The following PRKCH variants were observed in gnomAD, a reference collection of about 807,000 sequenced individuals.
The protein encoded by PRKCH is protein kinase C eta type.
PRKCH carries 28 observed loss-of-function variants against 82.5 expected under a neutral mutation model. The observed-to-expected ratio is 0.34, with a 90% CI of 0.25 to 0.47. PRKCH has a LOEUF of 0.47. PRKCH is among the 20% of genes least tolerant of loss of function. The pLI is 1.00. For missense variants in PRKCH, 705 were observed against 881.8 expected, an observed-to-expected ratio of 0.80 and a Z score of 2.54; for synonymous variants, 322 against 327.4, an observed-to-expected ratio of 0.98 and a Z score of 0.18.
chr14:61,242,397 ATGTT>A (rs1057373309), intron 1 of PRKCH, among the ~76,000 whole-genome samples: 2 of 152,104 alleles, frequency 1.3e-5, no homozygotes, highest in African/African-American at 2.4e-5. Flanking sequence ...TACACTGCAT[ATGTT>A]TGTTTGTTTG....
chr14:61,322,015 T>G lies in PRKCH; in HGVS notation c.-87T>G. The stretch of plus-strand genomic sequence containing the variant: ...CCAGGGCTGCCTCGACTCCTGCACC[T>G]GTCCCGAGGGCTGGCCTGAGACGGG... On this transcript the variant is annotated 5_prime_UTR_variant, in exon 1 of 14. Transcript: ENST00000332981. 1 of 1,401,008 alleles carries G rather than the reference T, an allele frequency of 7.1e-7. No individual in the cohort carries two copies. The allele number at this position is 1,401,008 out of a possible 1,614,324, so 86.8% of individuals were successfully genotyped here.
chr14:61,453,038 C>T, intron 6 of PRKCH, 188 bp from the exon 7 acceptor site: 1 of 657,382 alleles, frequency 1.5e-6, no homozygotes, highest in Non-Finnish European at 2.5e-6. Context: ...TCTGCTTCTG[C>T]AGAAAACAGA....
rs2045627563 is a variant in PRKCH, at chr14:61,321,780, C to G, written c.-322C>G. On this transcript the variant is annotated 5_prime_UTR_variant, in exon 1 of 14. Coordinates refer to ENST00000332981, the MANE Select transcript of PRKCH (RefSeq NM_006255.5). This position sits in a 1 kb window ranked among gnomAD's most constrained non-coding sequence, Gnocchi z 4.1. ...AGGTCCGGCTCTCCAGGGAGAGGAGCTGCCCGGCCCTGGAGAAGGGGCGAG... is the reference window on the plus strand; with the variant it reads ...AGGTCCGGCTCTCCAGGGAGAGGAGGTGCCCGGCCCTGGAGAAGGGGCGAG... The G allele has an allele frequency of 4.3e-6, 1 of 231,362 alleles. No individual in the cohort carries two copies. Among genetic ancestry groups the G allele is most frequent in the Non-Finnish European group, 8.5e-6 (1 of 117,250 alleles). 14.3% of individuals were successfully genotyped at this position (231,362 alleles called of 1,614,324 possible). A position where few individuals can be genotyped will look rare whatever the true frequency, so the allele number is the denominator to read the frequency against.
intron 2 of PRKCH, among the ~76,000 whole-genome samples, chr14:61,440,821 C>T (rs1883925616): frequency 6.6e-6 from 1 of 152,024 alleles, no homozygotes; most frequent in Admixed American, 6.6e-5. Flanking sequence ...TTGCAATGAG[C>T]TGAGAACACG....
At chr14:61,362,343 A>T (rs1402388510) in intron 1 of PRKCH, among the ~76,000 whole-genome samples, 1 of 71,372 alleles carries the variant, frequency 1.4e-5, no homozygotes, top group African/African-American at 1.1e-4. Context: ...CTTGTCTTAA[A>T]AAAAAAAAAA....
chr14:61,331,687 G>T (rs537302604), intron 1 of PRKCH, among the ~76,000 whole-genome samples: 1 of 152,332 alleles, frequency 6.6e-6, no homozygotes, highest in Admixed American at 6.5e-5. Context: ...CCGTTATATT[G>T]TGAGGGGGCT....
rs528287470 is a variant in PRKCH, at chr14:61,233,519, A to G, written c.-19+45851A>G. 1.2e-4 allele frequency among the ~76,000 whole-genome samples: 18 copies of G among 152,334 alleles called. 1 individual carries two copies. The highest frequency in any genetic ancestry group is 1.1e-3 in the Admixed American group (17 of 15,306). On this transcript the variant is annotated intron_variant, in intron 1 of 3. Transcript: ENST00000555185. ...TCATCTCTTTCTCTGAGCCTCTCTC[A>G]AGGAATTAATACAATATTGAAGGAT...
chr14:61,413,964 T>C (rs938301416), intron 2 of PRKCH, among the ~76,000 whole-genome samples: 7 of 152,186 alleles, frequency 4.6e-5, no homozygotes, highest in African/African-American at 1.7e-4. Flanking sequence ...CTCATCACTC[T>C]TCCACCTCAG....
chr14:61,343,378 A>G (rs1260756621), intron 1 of PRKCH, among the ~76,000 whole-genome samples: 3 of 149,316 alleles, frequency 2.0e-5, no homozygotes, highest in African/African-American at 5.0e-5. Context: ...AAAAAAAAGG[A>G]AAAACAGACA....
In PRKCH at chr14:61,331,414, G is replaced by T. The variant is rs543742673; in HGVS notation, c.363+8950G>T. ...TGCACCTGTAGTCCCGTGTACTGGG[G>T]AGGCTGAGGCAGGAGGATTGCTTGA... On this transcript the variant is annotated intron_variant, in intron 1 of 13. Transcript: ENST00000332981. Among the ~76,000 whole-genome samples the T allele has an allele frequency of 1.8e-4, 28 of 152,282 alleles. No homozygotes were observed. In the East Asian group the frequency reaches 5.2e-3, roughly 28 times the overall value.
chr14:61,214,453 C>T (rs973418424), intron 1 of PRKCH, among the ~76,000 whole-genome samples: 2 of 152,062 alleles, frequency 1.3e-5, no homozygotes, highest in Non-Finnish European at 2.9e-5. Flanking sequence ...TAGGTTTGCC[C>T]ATACCCATTG....
intron 1 of PRKCH, among the ~76,000 whole-genome samples, chr14:61,273,875 G>A (rs751753488): frequency 4.6e-5 from 7 of 152,154 alleles, no homozygotes; most frequent in Admixed American, 2.0e-4. Context: ...AAGTAATGGA[G>A]TCATTGGTTT....
chr14:61,478,031 G>A (rs1416257906), intron 9 of PRKCH, among the ~76,000 whole-genome samples: 3 of 152,224 alleles, frequency 2.0e-5, no homozygotes, highest in Non-Finnish European at 1.5e-5. Context: ...CAGCCAAGGG[G>A]CCTTCCTATG....
At chr14:61,454,093 T>TTTTTTTC (rs982809307) in intron 7 of PRKCH, among the ~76,000 whole-genome samples, 1 of 152,020 alleles carries the variant, frequency 6.6e-6, no homozygotes, top group Non-Finnish European at 1.5e-5. Flanking sequence ...TCTTTCCTTT[T>TTTTTTTC]TTTTTTCTTT....
At chr14:61,445,503 A>T (rs1005712308) in intron 3 of PRKCH, among the ~76,000 whole-genome samples, 189 bp from the exon 4 acceptor site, 2 of 152,216 alleles carry the variant, frequency 1.3e-5, no homozygotes. Flanking sequence ...GCACATTCTA[A>T]TCCAGCACAT....
At chr14:61,308,005 T>TTTTAA (rs1396780106) in intron 1 of PRKCH, among the ~76,000 whole-genome samples, 1 of 152,150 alleles carries the variant, frequency 6.6e-6, no homozygotes, top group Non-Finnish European at 1.5e-5. Flanking sequence ...CCTGGCTAAT[T>TTTTAA]TTTAATTTTT....
chr14:61,296,092 T>G (rs2045403800), intron 1 of PRKCH, among the ~76,000 whole-genome samples: 1 of 152,204 alleles, frequency 6.6e-6, no homozygotes, highest in Non-Finnish European at 1.5e-5. Context: ...GTTAGAGGAA[T>G]TTTTGTTGTT....
chr14:61,377,136 C>T (rs956552731), intron 1 of PRKCH, among the ~76,000 whole-genome samples: 7 of 152,230 alleles, frequency 4.6e-5, no homozygotes, highest in African/African-American at 1.7e-4. Flanking sequence ...TCTTCCATAT[C>T]TGCACATTTG....
intron 2 of PRKCH, among the ~76,000 whole-genome samples, chr14:61,415,352 G>C (rs78905549): frequency 0.015 from 2,342 of 152,314 alleles, 56 homozygotes; most frequent in African/African-American, 0.053. Context: ...AACAAGAGTT[G>C]CAGAGGGTCC....
Sources: allele counts gnomAD v4.1 joint callset (sites outside exome capture counted in the v4.1 genomes callset), GRCh38; gene constraint gnomAD v4.1.1; non-coding constraint Gnocchi (gnomAD v3.1); transcripts MANE v1.5; gene names NCBI Gene and HGNC (gene_info 2026-07-23, HGNC 2026-07-21).